Variants in RHOBTB1 observed in about 807,000 individuals in gnomAD.
RHOBTB1 encodes rho-related BTB domain-containing protein 1.
In RHOBTB1, 40 loss-of-function variants were observed where a neutral mutation model predicts 71.6. The observed-to-expected ratio is 0.56, with a 90% CI of 0.43 to 0.73. The LOEUF (loss-of-function observed/expected upper bound fraction) is 0.73. RHOBTB1 is among the 30% of genes least tolerant of loss of function. RHOBTB1 has a pLI of 0.00. For synonymous variants in RHOBTB1, 319 were observed against 334.9 expected, an observed-to-expected ratio of 0.95 and a Z score of 0.52; for missense variants, 797 against 894.0, an observed-to-expected ratio of 0.89 and a Z score of 1.38.
At chr10:60,964,115 C>G (rs749082700) in intron 2 of RHOBTB1, among the ~76,000 whole-genome samples, 14 of 152,074 alleles carry the variant, frequency 9.2e-5, no homozygotes, top group Non-Finnish European at 1.8e-4. Flanking sequence ...ATAATCTTAG[C>G]AAAATGAGAT....
chr10:60,915,903 T>A (rs1196851180), intron 2 of RHOBTB1, among the ~76,000 whole-genome samples: 1 of 152,144 alleles, frequency 6.6e-6, no homozygotes, highest in African/African-American at 2.4e-5. Context: ...GTGCCAGTGA[T>A]CTTTACCACA....
In RHOBTB1 at chr10:60,972,877, C is replaced by T. The variant is rs936595277; in HGVS notation, c.-62+12968G>A. Among the ~76,000 whole-genome samples the T allele has an allele frequency of 7.9e-5, 12 of 152,016 alleles. No individual in the cohort carries two copies. In the South Asian group the frequency reaches 2.3e-3, roughly 29 times the overall value. ...TATGGCAACCCTGCTTGGAAGGTAG[C>T]CTCACTTGGAGGCAAAATACCCACT... is the stretch of plus-strand genomic sequence containing the variant. On this transcript the variant is annotated intron_variant, in intron 2 of 11. Coordinates refer to the RHOBTB1 transcript ENST00000357917.
chr10:60,862,926 T>G, the RHOBTB1 span, among the ~76,000 whole-genome samples: 5 of 146,426 alleles, frequency 3.4e-5, no homozygotes, highest in African/African-American at 1.2e-4. Context: ...CTTTTCTTCT[T>G]TCTTCTTTTG....
At position 60,976,492 on chromosome 10, in the gene RHOBTB1, C is replaced by T. The variant is rs531520607; in HGVS notation, c.-62+9353G>A. ...GAAACTGTATACTGAAGTACAGCCC[C>T]GTCTTGTTCCTTTTATAGCCAGTCT... On this transcript the variant is annotated intron_variant, in intron 2 of 11. Transcript: ENST00000357917. 1.6e-4 allele frequency among the ~76,000 whole-genome samples: 24 copies of T among 151,982 alleles called. 1 individual carries two copies. Among genetic ancestry groups the T allele is most frequent in the South Asian group, 1.2e-3 (6 of 4,818 alleles).
At chr10:60,911,318 C>A (rs1343908478) in intron 3 of RHOBTB1, 33 bp downstream of exon 3, 1 of 1,583,022 alleles carries the variant, frequency 6.3e-7, no homozygotes. Context: ...ATGATGTGCC[C>A]TAGGGATGCT....
At chr10:60,956,064 G>A (rs1431836884) in intron 2 of RHOBTB1, among the ~76,000 whole-genome samples, 1 of 152,094 alleles carries the variant, frequency 6.6e-6, no homozygotes. Flanking sequence ...TCATCGTTGT[G>A]CAAACATCAT....
At chr10:60,866,889 T>C (rs78839797), downstream of RHOBTB1, among the ~76,000 whole-genome samples, 19,252 of 152,136 alleles carry the variant, frequency 0.13, 1,401 homozygotes, top group East Asian at 0.21. Context: ...GTTGAAGAGA[T>C]TGGCAGGAAA....
chr10:60,967,060 G>T (rs139041469), intron 2 of RHOBTB1, among the ~76,000 whole-genome samples: 344 of 152,118 alleles, frequency 2.3e-3, no homozygotes, highest in African/African-American at 7.8e-3. Context: ...GGGGGTGAGG[G>T]AGCGATGCAG....
chr10:60,974,140 T>G (rs1366423292), intron 2 of RHOBTB1, among the ~76,000 whole-genome samples: 2 of 152,104 alleles, frequency 1.3e-5, no homozygotes, highest in East Asian at 3.9e-4. Context: ...TCACTAAGTC[T>G]ATAATCAGTT....
rs186937040 is a variant in RHOBTB1 at position 60,989,292 on chromosome 10, T to C, written c.-162-3347A>G. 4.2e-3 allele frequency among the ~76,000 whole-genome samples: 635 copies of C among 152,306 alleles called. 1 individual carries two copies. The highest frequency in any genetic ancestry group is 6.8e-3 in the Non-Finnish European group (464 of 68,024). Reference sequence around the variant, plus strand: ...GTAAGTATTTAAATCTGAGGGAAAATGTTGCACTTGTTTTAAGACATCAGA... The same window carrying C: ...GTAAGTATTTAAATCTGAGGGAAAACGTTGCACTTGTTTTAAGACATCAGA... On this transcript the variant is annotated intron_variant, in intron 1 of 11. Coordinates refer to the RHOBTB1 transcript ENST00000357917.
intron 7 of RHOBTB1, among the ~76,000 whole-genome samples, chr10:60,878,274 C>CTGATG (rs2081141872): frequency 6.6e-6 from 1 of 152,144 alleles, no homozygotes; most frequent in African/African-American, 2.4e-5. Context: ...CTGACACAGC[C>CTGATG]TGATGTGGAA....
chr10:60,953,262 T>G (rs1327572817), intron 2 of RHOBTB1, among the ~76,000 whole-genome samples: 1 of 152,208 alleles, frequency 6.6e-6, no homozygotes, highest in Admixed American at 6.5e-5. Context: ...AGTATCCATA[T>G]CTATCCAGTG....
chr10:60,887,242 A>G (rs191869077), intron 6 of RHOBTB1, among the ~76,000 whole-genome samples: 1 of 152,346 alleles, frequency 6.6e-6, no homozygotes, highest in African/African-American at 2.4e-5. Flanking sequence ...TGTTTCTGTA[A>G]CACAATGGCC....
rs1381696910 is a variant in RHOBTB1, at chr10:60,975,899, C to T, written c.-62+9946G>A. 2.6e-5 allele frequency among the ~76,000 whole-genome samples: 4 copies of T among 152,158 alleles called. No homozygotes were observed. The East Asian group carries it at 7.7e-4, about 29-fold the overall frequency. ...TTTACAATAATGGGATGCTCACTTG[C>T]ACCTCATGATCTATAAGGGGATGGT... On this transcript the variant is annotated intron_variant, in intron 2 of 11. Coordinates refer to the RHOBTB1 transcript ENST00000357917.
chr10:60,942,065 G>A (rs964818825), intron 1 of RHOBTB1, among the ~76,000 whole-genome samples: 73 of 151,768 alleles, frequency 4.8e-4, no homozygotes, highest in Non-Finnish European at 7.5e-4. Context: ...CAGGATTTGT[G>A]AAAATATATT....
intron 2 of RHOBTB1, among the ~76,000 whole-genome samples, chr10:60,959,337 G>T (rs530150972): frequency 6.6e-6 from 1 of 152,240 alleles, no homozygotes; most frequent in Admixed American, 6.5e-5. Flanking sequence ...CAGGGATGTA[G>T]GAGAAAGCAA....
At chr10:60,969,665 G>T (rs1452031562) in intron 2 of RHOBTB1, among the ~76,000 whole-genome samples, 2 of 152,056 alleles carry the variant, frequency 1.3e-5, no homozygotes, top group Non-Finnish European at 2.9e-5. Flanking sequence ...TATTGTCTGT[G>T]TGTTTTAGCA....
chr10:60,990,009 G>T (rs1255812718), intron 1 of RHOBTB1, among the ~76,000 whole-genome samples: 4 of 137,206 alleles, frequency 2.9e-5, no homozygotes, highest in Non-Finnish European at 4.6e-5. Flanking sequence ...TTGAGATGGA[G>T]TCTCGTTCTG....
chr10:60,989,397 C>T lies in RHOBTB1; in HGVS notation c.-162-3452G>A, dbSNP rs1276125801. 3.9e-5 allele frequency among the ~76,000 whole-genome samples: 6 copies of T among 152,258 alleles called. No individual in the cohort carries two copies. The East Asian group carries it at 5.8e-4, about 15-fold the overall frequency. On this transcript the variant is annotated intron_variant, in intron 1 of 11. Coordinates refer to the RHOBTB1 transcript ENST00000357917. Reference sequence around the variant, plus strand: ...TTTATGGTAGATTTTCCATGAGGGACGGAAAATGTCTTCCTGGTGCCTGTC... The same window carrying T: ...TTTATGGTAGATTTTCCATGAGGGATGGAAAATGTCTTCCTGGTGCCTGTC...
Sources: allele counts gnomAD v4.1 joint callset (sites outside exome capture counted in the v4.1 genomes callset), GRCh38; gene constraint gnomAD v4.1.1; transcripts MANE v1.5; gene names NCBI Gene and HGNC (gene_info 2026-07-23, HGNC 2026-07-21).